The following TP63 variants were observed in gnomAD, a reference collection of about 807,000 sequenced individuals.
The protein encoded by TP63 is tumor protein 63.
In TP63, 17 loss-of-function variants were observed where a neutral mutation model predicts 82.8. That is an observed-to-expected ratio of 0.21 (90% confidence interval 0.14 to 0.31). The LOEUF (loss-of-function observed/expected upper bound fraction) is 0.31. Among genes scored for constraint, TP63 ranks in the 10% least tolerant of loss-of-function variants. The pLI is 1.00. For synonymous variants in TP63, 330 were observed against 321.7 expected, an observed-to-expected ratio of 1.03 and a Z score of -0.28; for missense variants, 648 against 895.3, an observed-to-expected ratio of 0.72 and a Z score of 3.52.
At chr3:189,634,135 A>C (rs982037189) in intron 1 of TP63, among the ~76,000 whole-genome samples, 3 of 152,096 alleles carry the variant, frequency 2.0e-5, no homozygotes, top group Non-Finnish European at 2.9e-5. Context: ...TTTTGTAAGC[A>C]GACAACCGTT....
chr3:189,635,529 C>A (rs946553356), intron 1 of TP63, among the ~76,000 whole-genome samples: 30 of 152,070 alleles, frequency 2.0e-4, no homozygotes, highest in Non-Finnish European at 3.4e-4. Flanking sequence ...GCAGCAATCT[C>A]CTGCAGGAGA....
chr3:189,824,975 T>C (rs575791320), intron 4 of TP63, among the ~76,000 whole-genome samples: 44 of 152,110 alleles, frequency 2.9e-4, no homozygotes, highest in Non-Finnish European at 8.8e-5. Context: ...GGATATAGAA[T>C]AAGTGGAAGA....
At chr3:189,645,404 G>C (rs1712325021) in intron 1 of TP63, 1 of 476,790 alleles carries the variant, frequency 2.1e-6, no homozygotes, top group Admixed American at 2.3e-5. Flanking sequence ...TTGTTGGAAT[G>C]ACTTCTGCTA....
At chr3:189,766,745 T>C (rs1229694886) in intron 3 of TP63, among the ~76,000 whole-genome samples, 1 of 152,150 alleles carries the variant, frequency 6.6e-6, no homozygotes, top group East Asian at 1.9e-4. Flanking sequence ...GCACATAAAA[T>C]CTTTTCTCTG....
upstream of TP63, among the ~76,000 whole-genome samples, chr3:189,629,995 T>G (rs535232037): frequency 6.6e-6 from 1 of 152,320 alleles, no homozygotes; most frequent in South Asian, 2.1e-4. Context: ...GCTGGCCTGT[T>G]TGTGAATTTC....
the TP63 span, among the ~76,000 whole-genome samples, chr3:189,603,362 T>C: frequency 6.6e-6 from 1 of 152,070 alleles, no homozygotes; most frequent in East Asian, 1.9e-4. Flanking sequence ...TCCTGTGGTT[T>C]TTTGGGTTCT....
Position 189,880,553 on chromosome 3 carries a change from A to G in TP63, c.1350-5841A>G, listed in dbSNP as rs1719803989. On this transcript the variant is annotated intron_variant, in intron 10 of 13. Coordinates refer to ENST00000264731, the MANE Select transcript of TP63 (RefSeq NM_003722.5). ...TTCTTCTGTTGTTTTTCTAAAATTC[A>G]CAGGGAAGCTTTTGAGCAGGTCTCA... 3 of 988,794 alleles carry G rather than the reference A, an allele frequency of 3.0e-6. No homozygotes were observed. The East Asian group carries it at 3.3e-4, about 110-fold the overall frequency. 61.3% of individuals were successfully genotyped at this position (988,794 alleles called of 1,614,324 possible).
chr3:189,858,517 G>C (rs1212358287), intron 4 of TP63, among the ~76,000 whole-genome samples: 4 of 152,270 alleles, frequency 2.6e-5, no homozygotes, highest in African/African-American at 7.2e-5. Flanking sequence ...GCTCATGCCT[G>C]TAATCCCAGT....
chr3:189,781,889 T>C (rs1011324123), intron 3 of TP63, among the ~76,000 whole-genome samples: 4 of 152,114 alleles, frequency 2.6e-5, no homozygotes, highest in African/African-American at 9.7e-5. Context: ...TCTTCATCAA[T>C]AGTAAATCAA....
intron 3 of TP63, among the ~76,000 whole-genome samples, chr3:189,743,728 G>A (rs937591151): frequency 6.6e-5 from 10 of 152,134 alleles, no homozygotes; most frequent in African/African-American, 2.4e-4. Context: ...TTATCTAAGG[G>A]AAAAAACCGG....
chr3:189,611,317 C>T, the TP63 span, among the ~76,000 whole-genome samples: 2,838 of 152,112 alleles, frequency 0.019, 95 homozygotes, highest in African/African-American at 0.064. Flanking sequence ...AGTTGGTTTT[C>T]GTATATGGTT....
intron 1 of TP63, among the ~76,000 whole-genome samples, chr3:189,725,384 T>C (rs1719697649): frequency 6.6e-6 from 1 of 152,134 alleles, no homozygotes; most frequent in South Asian, 2.1e-4. Context: ...ACTAGGAATA[T>C]AAATATGTAA....
At chr3:189,667,282 C>A (rs781419099) in intron 1 of TP63, among the ~76,000 whole-genome samples, 8 of 148,350 alleles carry the variant, frequency 5.4e-5, no homozygotes, top group Non-Finnish European at 1.0e-4. Flanking sequence ...TCAAGAGATT[C>A]TCCTGCCTCA....
At chr3:189,720,074 C>G (rs911058645) in intron 1 of TP63, among the ~76,000 whole-genome samples, 3 of 152,270 alleles carry the variant, frequency 2.0e-5, no homozygotes, top group East Asian at 3.9e-4. Flanking sequence ...CTGCCAAACC[C>G]TGTCTCAAAT....
chr3:189,597,906 G>A, the TP63 span, among the ~76,000 whole-genome samples: 2 of 149,438 alleles, frequency 1.3e-5, no homozygotes, highest in Non-Finnish European at 3.0e-5. Flanking sequence ...TTCAGCTTAG[G>A]CAATAGAGTG....
chr3:189,769,642 A>G (rs1368597771), intron 3 of TP63, among the ~76,000 whole-genome samples: 3 of 152,238 alleles, frequency 2.0e-5, no homozygotes, highest in African/African-American at 7.2e-5. Context: ...AATGGTTTAT[A>G]TACCATATAG....
chr3:189,650,314 A>G (rs1712781756), intron 1 of TP63, among the ~76,000 whole-genome samples: 1 of 147,348 alleles, frequency 6.8e-6, no homozygotes, highest in African/African-American at 2.5e-5. Context: ...CAATCAATGC[A>G]TTACCTCTTA....
At position 189,866,642 on chromosome 3, in the gene TP63, A is replaced by G. The variant is rs542685647; in HGVS notation, c.767-40A>G. ...TTTCATTTTATTTTCTTTATTTTTA[A>G]GGTAAAGAACTAACTCTTTTATTGT... On this transcript the variant is annotated intron_variant, in intron 5 of 13. Transcript: ENST00000264731. The G allele has an allele frequency of 4.8e-4, 749 of 1,558,586 alleles. 8 individuals are homozygous for G. The South Asian group carries it at 7.9e-3, about 16-fold the overall frequency.
intron 13 of TP63, among the ~76,000 whole-genome samples, chr3:189,891,580 T>G (rs760614547): frequency 6.6e-6 from 1 of 152,218 alleles, no homozygotes; most frequent in Non-Finnish European, 1.5e-5. Context: ...GGTTATCACT[T>G]TGCCTCTCTG....
Sources: gnomAD v4.1 joint callset for allele counts (sites outside exome capture counted in the v4.1 genomes callset) on GRCh38, gnomAD v4.1.1 for gene constraint, MANE v1.5 for transcripts, NCBI Gene and HGNC (gene_info 2026-07-23, HGNC 2026-07-21) for gene names.